Variants in FMNL2 observed in about 807,000 individuals in gnomAD.
FMNL2 encodes formin like 2.
FMNL2 carries 51 observed loss-of-function variants against 130.2 expected under a neutral mutation model. The ratio of observed to expected loss-of-function variants is 0.39; its 90% CI spans 0.31 to 0.49. FMNL2 has a LOEUF of 0.49. FMNL2 is among the 20% of genes least tolerant of loss of function. The pLI, the probability that FMNL2 is intolerant of heterozygous loss-of-function variation, is 0.85. For synonymous variants in FMNL2, 465 were observed against 467.1 expected, an observed-to-expected ratio of 1.00 and a Z score of 0.06; for missense variants, 977 against 1,316.2, an observed-to-expected ratio of 0.74 and a Z score of 3.99.
intron 9 of FMNL2, among the ~76,000 whole-genome samples, chr2:152,603,911 A>C (rs987940253): frequency 1.3e-5 from 2 of 150,982 alleles, no homozygotes; most frequent in African/African-American, 4.8e-5. Context: ...CTGAGGGTTT[A>C]ATCAGCCAGT....
At chr2:152,413,227 A>G (rs1389999744) in intron 1 of FMNL2, among the ~76,000 whole-genome samples, 1 of 152,180 alleles carries the variant, frequency 6.6e-6, no homozygotes, top group African/African-American at 2.4e-5. Flanking sequence ...TTCTGTAGAA[A>G]TTAGTGTATT....
At chr2:152,646,313 G>A (rs1202163529) in intron 25 of FMNL2, among the ~76,000 whole-genome samples, 1 of 147,800 alleles carries the variant, frequency 6.8e-6, no homozygotes, top group African/African-American at 2.5e-5. Context: ...CTCAGTGACA[G>A]AGACTGTCCT....
intron 1 of FMNL2, among the ~76,000 whole-genome samples, chr2:152,515,189 T>C (rs1177941571): frequency 1.3e-5 from 2 of 152,182 alleles, no homozygotes; most frequent in Non-Finnish European, 2.9e-5. Flanking sequence ...TTTTCTACTT[T>C]CCGTAGCAAA....
intron 1 of FMNL2, among the ~76,000 whole-genome samples, chr2:152,379,505 G>A (rs1226743231): frequency 6.6e-6 from 1 of 152,206 alleles, no homozygotes; most frequent in African/African-American, 2.4e-5. Flanking sequence ...ATGTCAGAAT[G>A]TGGTTACTAT....
chr2:152,567,704 C>T (rs1472575805), intron 6 of FMNL2, among the ~76,000 whole-genome samples: 1 of 152,202 alleles, frequency 6.6e-6, no homozygotes, highest in Non-Finnish European at 1.5e-5. Context: ...AAGACTGGTA[C>T]AATTCTGCCA....
At position 152,364,259 on chromosome 2, in the gene FMNL2, G is replaced by GTTTTT. The variant is rs1163993397; in HGVS notation, c.117+28540_117+28541insTTTTT. 3.3e-4 allele frequency among the ~76,000 whole-genome samples: 33 copies of GTTTTT among 100,752 alleles called. No individual in the cohort carries two copies. The East Asian group carries it at 6.8e-3, about 21-fold the overall frequency. The allele number at this position is 100,752 out of a possible 152,430, so 66.1% of individuals were successfully genotyped here. ...GTTTCACATCCGTTAGGAGGTTTGT[G>GTTTTT]TGTTTTTTTTTTTTTTTTTTTTTTT... is the stretch of plus-strand genomic sequence containing the variant. On this transcript the variant is annotated intron_variant, in intron 1 of 25. Coordinates refer to ENST00000288670, the MANE Select transcript of FMNL2 (RefSeq NM_052905.4).
intron 1 of FMNL2, among the ~76,000 whole-genome samples, chr2:152,365,900 G>A (rs887935348): frequency 3.9e-5 from 6 of 152,120 alleles, no homozygotes; most frequent in Non-Finnish European, 8.8e-5. Context: ...GACAGGACTT[G>A]GATTCAAATT....
rs1553485786 is a variant in FMNL2, at chr2:152,607,012, T to TTTTG, written c.877-324_877-323insGTTT. 2.3e-5 allele frequency among the ~76,000 whole-genome samples: 3 copies of TTTTG among 132,974 alleles called. No homozygotes were observed. The East Asian group carries it at 8.9e-4, about 39-fold the overall frequency. The allele number at this position is 132,974 out of a possible 152,430, so 87.2% of individuals were successfully genotyped here. A position where few individuals can be genotyped will look rare whatever the true frequency, so the allele number is the denominator to read the frequency against. Reference sequence around the variant, plus strand: ...ATGGTCGTTTTTTTTTTTTGTTTTTTTTTTTTTTTTTTACCATGACTGCAT... The same window carrying TTTTG: ...ATGGTCGTTTTTTTTTTTTGTTTTTTTTTGTTTTTTTTTTTTACCATGACTGCAT... On this transcript the variant is annotated intron_variant, in intron 9 of 25. Transcript: ENST00000288670.
chr2:152,517,860 A>G (rs1558931301), intron 1 of FMNL2, among the ~76,000 whole-genome samples: 1 of 152,224 alleles, frequency 6.6e-6, no homozygotes, highest in Admixed American at 6.5e-5. Context: ...AGCCCAGGAA[A>G]TATGTTGGAT....
chr2:152,443,519 T>A (rs1688174172), intron 1 of FMNL2, among the ~76,000 whole-genome samples: 1 of 152,028 alleles, frequency 6.6e-6, no homozygotes. Flanking sequence ...AGTGCTATTG[T>A]GGAGACCAAG....
rs181774027 is a variant in FMNL2, at chr2:152,561,320, G to A, written c.596+285G>A. ...CAGGATAGTCTCATAGGCAGATAAG[G>A]TTTTGAAACCAGGGGAATGTTGACA... On this transcript the variant is annotated intron_variant, in intron 6 of 25. Transcript: ENST00000288670. Among the ~76,000 whole-genome samples, 13 of 152,206 alleles carry A rather than the reference G, an allele frequency of 8.5e-5. No homozygotes were observed. In the East Asian group the frequency reaches 1.7e-3, roughly 20 times the overall value.
chr2:152,382,883 C>G (rs1684557125), intron 1 of FMNL2, among the ~76,000 whole-genome samples: 1 of 152,046 alleles, frequency 6.6e-6, no homozygotes, highest in Non-Finnish European at 1.5e-5. Flanking sequence ...AAACGGACAA[C>G]AAACTGGTCT....
At chr2:152,377,543 C>G (rs1303225824) in intron 1 of FMNL2, among the ~76,000 whole-genome samples, 1 of 152,190 alleles carries the variant, frequency 6.6e-6, no homozygotes, top group Admixed American at 6.5e-5. Flanking sequence ...CTCAGTTGCT[C>G]TAGCTACATT....
At chr2:152,417,648 T>A (rs1174577595) in intron 1 of FMNL2, among the ~76,000 whole-genome samples, 4 of 152,104 alleles carry the variant, frequency 2.6e-5, no homozygotes, top group African/African-American at 9.7e-5. Context: ...GCACCTGATG[T>A]ATATCCCCTT....
In FMNL2 at chr2:152,612,912, C is replaced by T. The variant is rs191196167; in HGVS notation, c.1062+1307C>T. Among the ~76,000 whole-genome samples, 15 of 152,332 alleles carry T rather than the reference C, an allele frequency of 9.8e-5. No individual in the cohort carries two copies. In the East Asian group the frequency reaches 2.9e-3, roughly 29 times the overall value. ...GCTGTGAAGAATATAGAAGTACTTC[C>T]TTTGGGCATCTCAGGAATTCAGTTG... On this transcript the variant is annotated intron_variant, in intron 11 of 25. Coordinates refer to ENST00000288670, the MANE Select transcript of FMNL2 (RefSeq NM_052905.4).
At chr2:152,646,493 T>C (rs368001594) in intron 25 of FMNL2, among the ~76,000 whole-genome samples, 19 of 152,208 alleles carry the variant, frequency 1.2e-4, no homozygotes, top group African/African-American at 4.3e-4. Flanking sequence ...GGGCCCGGTT[T>C]TGCCAGATCT....
At chr2:152,403,439 T>C (rs1213297333) in intron 1 of FMNL2, among the ~76,000 whole-genome samples, 2 of 152,226 alleles carry the variant, frequency 1.3e-5, no homozygotes, top group African/African-American at 4.8e-5. Context: ...TGTGGACTCA[T>C]GGATGTTTTT....
intron 3 of FMNL2, among the ~76,000 whole-genome samples, chr2:152,546,084 C>G (rs1384263423): frequency 6.6e-6 from 1 of 152,104 alleles, no homozygotes; most frequent in Non-Finnish European, 1.5e-5. Flanking sequence ...CTCTTTTATA[C>G]TCTGCTATGT....
chr2:152,622,573 C>G (rs1681425055), intron 15 of FMNL2: 1 of 456,590 alleles, frequency 2.2e-6, no homozygotes, highest in African/African-American at 2.0e-5. Context: ...TTGCTCCTCA[C>G]TGAGTGTGTT....
Sources: allele counts gnomAD v4.1 joint callset (sites outside exome capture counted in the v4.1 genomes callset), GRCh38; gene constraint gnomAD v4.1.1; transcripts MANE v1.5; gene names NCBI Gene and HGNC (gene_info 2026-07-23, HGNC 2026-07-21).